STS: variants seen among roughly 807,000 people sequenced by gnomAD.
STS encodes steroid sulfatase, also known as steryl-sulfatase.
A neutral mutation model predicts 26.8 loss-of-function variants in STS; 7 were observed. That is an observed-to-expected ratio of 0.26 (90% CI 0.15 to 0.49). The LOEUF is 0.49. Among genes scored for constraint, STS ranks in the 20% least tolerant of loss-of-function variants. STS has a pLI of 0.98. For missense variants in STS, 434 were observed against 465.6 expected, an observed-to-expected ratio of 0.93 and a Z score of 0.63; for synonymous variants, 199 against 189.4, an observed-to-expected ratio of 1.05 and a Z score of -0.42.
At chrX:7,161,743 A>T (rs981789713) in intron 1 of STS, among the ~76,000 whole-genome samples, 1 of 112,373 alleles carries the variant, frequency 8.9e-6, no homozygotes, top group Non-Finnish European at 1.9e-5. Context: ...ATTTTCACTG[A>T]AAATAATATC....
intron 10 of STS, among the ~76,000 whole-genome samples, chrX:7,337,168 C>T (rs1244978958): frequency 8.9e-6 from 1 of 112,118 alleles, no homozygotes; most frequent in African/African-American, 3.2e-5. Flanking sequence ...ACCATATTTG[C>T]TGTCTTGGCT....
chrX:7,259,727 A>T lies in STS; in HGVS notation c.761A>T (p.Asn254Ile). 1.7e-6 allele frequency: 2 copies of T among 1,211,216 alleles called. No homozygotes were observed. The highest frequency in any genetic ancestry group is 2.2e-6 in the Non-Finnish European group (2 of 895,372). The change falls in exon 6 of 11, where the codon AAT becomes ATT. Residue 254 changes from asparagine to isoleucine, a missense_variant. Around this residue, in one of 2 missense-constraint regions of STS, gnomAD observed 229 missense variants for 288.3 expected, o/e 0.79. Transcript: ENST00000674429. ...EIIQQPMSYD[N>I]LTQRLTVEAA... ...ATTCAGCAGCCCATGTCCTATGACAATCTCACCCAGAGGCTAACGGTGGAG... is the reference window on the plus strand; with the variant it reads ...ATTCAGCAGCCCATGTCCTATGACATTCTCACCCAGAGGCTAACGGTGGAG...
At chrX:7,204,385 A>G (rs1234701858) in intron 2 of STS, among the ~76,000 whole-genome samples, 6 of 111,025 alleles carry the variant, frequency 5.4e-5, no homozygotes, top group African/African-American at 2.0e-4. Context: ...ATTTGTATTA[A>G]TTTACAATTG....
At chrX:7,311,014 T>C (rs1175341562) in intron 8 of STS, among the ~76,000 whole-genome samples, 1 of 112,238 alleles carries the variant, frequency 8.9e-6, no homozygotes, top group East Asian at 2.8e-4. Context: ...ACCTCAGTGC[T>C]ACGATATTTG....
At chrX:7,320,128 T>G (rs1355788492) in intron 8 of STS, among the ~76,000 whole-genome samples, 4 of 97,860 alleles carry the variant, frequency 4.1e-5, no homozygotes, top group Non-Finnish European at 8.0e-5. Context: ...TTATTTTATA[T>G]ATATTTTTAT....
Position 7,201,612 on chromosome X carries a change from C to G in STS, c.-5+10604C>G, listed in dbSNP as rs1306306534. On this transcript the variant is annotated intron_variant, in intron 2 of 10. Coordinates refer to ENST00000674429, the MANE Select transcript of STS (RefSeq NM_001320752.2). Reference sequence around the variant, plus strand: ...TGCTGTGGGAGGTATGTTCTTTCATCACATCCATTTCACTCTTCAAAGGCA... The same window carrying G: ...TGCTGTGGGAGGTATGTTCTTTCATGACATCCATTTCACTCTTCAAAGGCA... 2.7e-5 allele frequency among the ~76,000 whole-genome samples: 3 copies of G among 109,573 alleles called. No individual in the cohort carries two copies. The Admixed American group carries it at 3.0e-4, about 11-fold the overall frequency.
intron 2 of STS, among the ~76,000 whole-genome samples, chrX:7,243,208 A>G (rs1258017527): frequency 9.0e-6 from 1 of 111,637 alleles, no homozygotes; most frequent in Non-Finnish European, 1.9e-5. Flanking sequence ...GACTACAGGC[A>G]TGTGCCACCA....
At chrX:7,343,528 A>G (rs1928386286) in intron 10 of STS, among the ~76,000 whole-genome samples, 1 of 112,221 alleles carries the variant, frequency 8.9e-6, no homozygotes, top group African/African-American at 3.2e-5. Context: ...CTACCAGGGA[A>G]GAACTATTAT....
At chrX:7,251,445 T>A (rs1185091886) in intron 2 of STS, among the ~76,000 whole-genome samples, 1 of 111,161 alleles carries the variant, frequency 9.0e-6, no homozygotes, top group Non-Finnish European at 1.9e-5. Context: ...GGGAGCTGTC[T>A]GCATGCACCA....
intron 9 of STS, among the ~76,000 whole-genome samples, chrX:7,330,881 C>CG (rs1184020882): frequency 8.9e-6 from 1 of 112,044 alleles, no homozygotes; most frequent in Non-Finnish European, 1.9e-5. Flanking sequence ...ACTTAAGATT[C>CG]CCTTTAATTT....
chrX:7,206,449 T>C (rs1160978621), intron 2 of STS, among the ~76,000 whole-genome samples: 1 of 112,446 alleles, frequency 8.9e-6, no homozygotes, highest in Non-Finnish European at 1.9e-5. Flanking sequence ...ATCCTTTTAT[T>C]ATTTATTTAC....
intron 1 of STS, among the ~76,000 whole-genome samples, chrX:7,179,770 G>A (rs1933646752): frequency 8.9e-6 from 1 of 112,053 alleles, no homozygotes; most frequent in African/African-American, 3.2e-5. Context: ...AGAGGGTGCG[G>A]GTGGAAGAAT....
intron 2 of STS, among the ~76,000 whole-genome samples, chrX:7,200,733 C>A (rs1934054814): frequency 9.0e-6 from 1 of 111,394 alleles, no homozygotes. Context: ...CCAAGAACCG[C>A]AGTCCAAGCA....
At chrX:7,198,522 C>A (rs1030767802) in intron 2 of STS, among the ~76,000 whole-genome samples, 1 of 111,652 alleles carries the variant, frequency 9.0e-6, no homozygotes, top group African/African-American at 3.3e-5. Flanking sequence ...AAACTTGTGG[C>A]GAATTTGTTG....
chrX:7,263,289 G>A (rs1324631946), intron 6 of STS, among the ~76,000 whole-genome samples: 4 of 111,771 alleles, frequency 3.6e-5, no homozygotes, highest in African/African-American at 9.8e-5. Flanking sequence ...GGCTGGTCTC[G>A]AACTCCTGAC....
chrX:7,311,645 G>A (rs1319683399), intron 8 of STS, among the ~76,000 whole-genome samples: 9 of 111,474 alleles, frequency 8.1e-5, no homozygotes, highest in Admixed American at 4.8e-4. Flanking sequence ...CTCAGGAGTC[G>A]GAGCCCAGCC....
intron 6 of STS, among the ~76,000 whole-genome samples, chrX:7,270,449 T>A (rs368149617): frequency 1.8e-5 from 2 of 111,935 alleles, no homozygotes; most frequent in African/African-American, 6.5e-5. Context: ...AAGCCAGTGA[T>A]TTATGTCTGT....
intron 1 of STS, among the ~76,000 whole-genome samples, chrX:7,149,902 C>G (rs1932976610): frequency 8.9e-6 from 1 of 112,235 alleles, no homozygotes; most frequent in South Asian, 3.7e-4. Context: ...ACCCTAATAA[C>G]TACATTTTAA....
intron 7 of STS, among the ~76,000 whole-genome samples, chrX:7,286,288 T>TA (rs1164165473): frequency 3.7e-5 from 4 of 109,413 alleles, no homozygotes; most frequent in Non-Finnish European, 7.6e-5. Context: ...AAACTGCAGT[T>TA]AAAAAAAAAG....
Sources: gnomAD v4.1 joint callset for allele counts (sites outside exome capture counted in the v4.1 genomes callset) on GRCh38, gnomAD v4.1.1 for gene constraint, gnomAD v4.1.1 regional missense constraint, MANE v1.5 for transcripts, NCBI Gene and HGNC (gene_info 2026-07-23, HGNC 2026-07-21) for gene names.